DOCK8: variants seen among roughly 807,000 people sequenced by gnomAD.
DOCK8 encodes the protein dedicator of cytokinesis 8.
DOCK8 carries 141 observed loss-of-function variants against 245.6 expected under a neutral mutation model. That is an observed-to-expected ratio of 0.57 (90% confidence interval 0.50 to 0.66). The LOEUF (loss-of-function observed/expected upper bound fraction) is 0.66, where lower values mean the gene tolerates loss of function less well. Ranked by LOEUF, DOCK8 falls within the 30% of genes least tolerant of loss-of-function variation. DOCK8 has a pLI of 0.00. For synonymous variants in DOCK8, 1,168 were observed against 970.2 expected (o/e 1.20, Z -3.79); for missense variants, 2,965 against 2,603.4 (o/e 1.14, Z -3.02).
At chr9:441,477 A>G in intron 41 of DOCK8, 60 bp downstream of exon 41, 2 of 1,611,926 alleles carry the variant, frequency 1.2e-6, no homozygotes, top group South Asian at 2.2e-5. Context: ...CCTGTCCTAC[A>G]GATGCTTAGC....
At chr9:386,513 A>G (rs1180274211) in intron 23 of DOCK8, 87 bp downstream of exon 23, 3 of 1,171,396 alleles carry the variant, frequency 2.6e-6, no homozygotes, top group East Asian at 2.5e-5. Context: ...GGAATAGTCA[A>G]AGTGCTCCCC....
intron 28 of DOCK8, among the ~76,000 whole-genome samples, chr9:412,298 G>C (rs2055768610): frequency 6.6e-6 from 1 of 151,832 alleles, no homozygotes; most frequent in Non-Finnish European, 1.5e-5. Flanking sequence ...CCAGCTACTT[G>C]GGAGGTTGAG....
At chr9:257,107 G>T (rs1456222245) in intron 1 of DOCK8, among the ~76,000 whole-genome samples, 2 of 152,168 alleles carry the variant, frequency 1.3e-5, no homozygotes, top group African/African-American at 4.8e-5. Context: ...AGTGTCTTTG[G>T]TTTAAGAAGC....
At chr9:297,541 A>T (rs991023520) in intron 4 of DOCK8, among the ~76,000 whole-genome samples, 2 of 152,166 alleles carry the variant, frequency 1.3e-5, no homozygotes, top group African/African-American at 4.8e-5. Flanking sequence ...TCCTGTCTGC[A>T]TCTAGGTGCA....
At chr9:394,218 G>A (rs376217529) in intron 24 of DOCK8, among the ~76,000 whole-genome samples, 3 of 150,534 alleles carry the variant, frequency 2.0e-5, no homozygotes, top group Non-Finnish European at 4.4e-5. Context: ...GTGGTCCCTC[G>A]AGACCCCCTT....
At chr9:218,274 G>C (rs1317947545) in intron 1 of DOCK8, among the ~76,000 whole-genome samples, 2 of 152,156 alleles carry the variant, frequency 1.3e-5, no homozygotes, top group East Asian at 1.9e-4. Context: ...GATAAAACCA[G>C]TGTGCTTCCT....
chr9:214,970 G>C lies in DOCK8; in HGVS notation c.-7G>C. 6.2e-7 allele frequency: 1 copy of C among 1,601,704 alleles called. No individual in the cohort carries two copies. Among genetic ancestry groups the C allele is most frequent in the Non-Finnish European group, 8.5e-7 (1 of 1,176,632 alleles). On this transcript the variant is annotated 5_prime_UTR_variant, in exon 1 of 48. Coordinates refer to ENST00000432829, the MANE Select transcript of DOCK8 (RefSeq NM_203447.4). ...GACCCTAGAAGCCACCGAACCGCCG[G>C]CGGGCCATGGCCACTCTGCCGAGCG...
chr9:403,367 T>G (rs934362972), intron 26 of DOCK8, among the ~76,000 whole-genome samples: 28 of 152,224 alleles, frequency 1.8e-4, no homozygotes, highest in Admixed American at 1.8e-3. Flanking sequence ...TTCAATGTGC[T>G]GGTGGCTCCA....
rs563891231 is a variant in DOCK8 at position 241,403 on chromosome 9, C to G, written c.53+26374C>G. 2.0e-5 allele frequency among the ~76,000 whole-genome samples: 3 copies of G among 152,294 alleles called. No homozygotes were observed. The South Asian group carries it at 6.2e-4, about 32-fold the overall frequency. On this transcript the variant is annotated intron_variant, in intron 1 of 47. Transcript: ENST00000432829. Reference sequence around the variant, plus strand: ...CCCTTCCCCCTACCCTTCCTGGCCTCCAGTAAACTCTGTTCTACTTTTTAC... The same window carrying G: ...CCCTTCCCCCTACCCTTCCTGGCCTGCAGTAAACTCTGTTCTACTTTTTAC...
intron 45 of DOCK8, 111 bp from the exon 46 acceptor site, chr9:451,900 C>CATATATATGTGTGTGTATATAT (rs546408745): frequency 1.4e-3 from 59 of 42,462 alleles, no homozygotes; most frequent in East Asian, 0.02. Context: ...TATGCATATA[C>CATATATATGTGTGTGTATATAT]ATATACATAT....
At chr9:350,614 G>T (rs184466691) in intron 14 of DOCK8, among the ~76,000 whole-genome samples, 1 of 152,166 alleles carries the variant, frequency 6.6e-6, no homozygotes, top group African/African-American at 2.4e-5. Flanking sequence ...GCCAACCCAC[G>T]GAGGAAGGAA....
intron 1 of DOCK8, among the ~76,000 whole-genome samples, chr9:244,831 C>T (rs2047468383): frequency 6.6e-6 from 1 of 152,134 alleles, no homozygotes; most frequent in African/African-American, 2.4e-5. Flanking sequence ...TGTTTTCTTC[C>T]TAGTCCGTCT....
intron 43 of DOCK8, among the ~76,000 whole-genome samples, chr9:445,828 G>C (rs1473632552): frequency 6.6e-6 from 1 of 152,162 alleles, no homozygotes; most frequent in Non-Finnish European, 1.5e-5. Flanking sequence ...ACACACATAG[G>C]AGTGGGGTTG....
chr9:440,029 C>CTTTTTTTTTTTTTTTTTTT (rs1564071381), intron 40 of DOCK8, among the ~76,000 whole-genome samples: 1 of 151,782 alleles, frequency 6.6e-6, no homozygotes, highest in Non-Finnish European at 1.5e-5. Context: ...ATTTTCTTTT[C>CTTTTTTTTTTTTTTTTTTT]TTTTTTTGAG....
chr9:304,772 T>G, intron 5 of DOCK8, 68 bp downstream of exon 5: 1 of 1,609,118 alleles, frequency 6.2e-7, no homozygotes, highest in East Asian at 2.2e-5. Flanking sequence ...GCTGTCAGTT[T>G]TACAAACTAG....
chr9:415,131 A>G (rs569420142), intron 29 of DOCK8, among the ~76,000 whole-genome samples, 180 bp downstream of exon 29: 1 of 152,308 alleles, frequency 6.6e-6, no homozygotes, highest in African/African-American at 2.4e-5. Flanking sequence ...AAAAAAAGTC[A>G]CATAGCCCCA....
intron 1 of DOCK8, among the ~76,000 whole-genome samples, chr9:254,431 G>T (rs2047721960): frequency 6.6e-6 from 1 of 152,160 alleles, no homozygotes; most frequent in African/African-American, 2.4e-5. Context: ...GTATAGTCCA[G>T]TTCGTCCTAC....
chr9:368,432 C>CAT (rs2053118276), intron 15 of DOCK8: 1 of 620,660 alleles, frequency 1.6e-6, no homozygotes, highest in Non-Finnish European at 2.9e-6. Context: ...ACTCTAAAGG[C>CAT]ATACAAAGTA....
intron 1 of DOCK8, among the ~76,000 whole-genome samples, chr9:217,069 C>T (rs1166270432): frequency 1.3e-5 from 2 of 152,006 alleles, no homozygotes; most frequent in African/African-American, 2.4e-5. Flanking sequence ...GTACAAAGTC[C>T]GAATTGCCAA....
Sources: gnomAD v4.1 joint callset for allele counts (sites outside exome capture counted in the v4.1 genomes callset) on GRCh38, gnomAD v4.1.1 for gene constraint, MANE v1.5 for transcripts, NCBI Gene and HGNC (gene_info 2026-07-23, HGNC 2026-07-21) for gene names.